SOX8: variants seen among roughly 807,000 people sequenced by gnomAD.
The protein encoded by SOX8 is SRY-box transcription factor 8.
A neutral mutation model predicts 22.9 loss-of-function variants in SOX8; 9 were observed. The observed-to-expected ratio is 0.39, with a 90% CI of 0.24 to 0.69. The LOEUF (loss-of-function observed/expected upper bound fraction) is 0.69. Ranked by LOEUF, SOX8 falls within the 30% of genes least tolerant of loss-of-function variation. The pLI is 0.43. For synonymous variants in SOX8, 416 were observed against 330.6 expected (o/e 1.26, Z -2.80); for missense variants, 734 against 699.4 (o/e 1.05, Z -0.56).
At chr16:983,662 G>A (rs2151521412) in intron 1 of SOX8, 66 bp from the exon 2 acceptor site, 1 of 1,462,320 alleles carries the variant, frequency 6.8e-7, no homozygotes, top group Non-Finnish European at 9.4e-7. Context: ...TTCCCCCTGT[G>A]GTGTGTGCCT....
In SOX8 at chr16:985,132, G is replaced by A. The variant is rs771156831; in HGVS notation, c.1087G>A (p.Gly363Ser). Residue 363 changes from glycine (G) to serine (S), a missense_variant, in exon 3 of 3, where the codon GGC becomes AGC. By Grantham distance (56) the Gly-to-Ser change is moderately conservative. This residue lies in a region of SOX8 where 588 missense variants were observed against 568.2 expected (regional missense o/e 1.03). Transcript: ENST00000293894. ...CTCGCCCGACTACGGTTCCTGCAGCGGCCAGTCCAGCGCCACCCCGGCCGC... is the reference window on the plus strand; with the variant it reads ...CTCGCCCGACTACGGTTCCTGCAGCAGCCAGTCCAGCGCCACCCCGGCCGC... ...RGSPDYGSCSGQSSATPAAPA... is the reference protein window; with the variant it reads ...RGSPDYGSCSSQSSATPAAPA... 60 of 1,600,318 alleles carry A rather than the reference G, an allele frequency of 3.7e-5. No homozygotes were observed. Among genetic ancestry groups the A allele is most frequent in the African/African-American group, 2.1e-4 (16 of 74,604 alleles).
rs201079762 is a variant in SOX8, at chr16:984,651, C to T, written c.656-50C>T. ...CCCTTCCAGCCTGGCCGGCCCCACC[C>T]GCCCCACAGAAGGGGCATTCATCCC... On this transcript the variant is annotated intron_variant, in intron 2 of 2. Transcript: ENST00000293894. 1,750 of 1,261,914 alleles carry T rather than the reference C, an allele frequency of 1.4e-3. 20 individuals are homozygous for T. In the African/African-American group the frequency reaches 0.025, roughly 18 times the overall value. The allele number at this position is 1,261,914 out of a possible 1,614,324, so 78.2% of individuals were successfully genotyped here.
chr16:984,612 C>A (rs543818439), intron 2 of SOX8, 89 bp from the exon 3 acceptor site: 6 of 770,152 alleles, frequency 7.8e-6, no homozygotes, highest in Non-Finnish European at 1.2e-5. Flanking sequence ...TGGCAGTTAG[C>A]GCGGGCGTCC....
In SOX8 at chr16:986,454, C is replaced by T. The variant is rs564464586; in HGVS notation, c.*1068C>T. 3.3e-5 allele frequency: 5 copies of T among 152,386 alleles called. No individual in the cohort carries two copies. Among genetic ancestry groups the T allele is most frequent in the African/African-American group, 9.6e-5 (4 of 41,586 alleles). The allele number at this position is 152,386 out of a possible 1,614,324, so 9.4% of individuals were successfully genotyped here. Reference sequence around the variant, plus strand: ...ACACAGGAATTCCTGGGTCCTTGCCCATGACTGTGCCATGTGGTAGGACAC... The same window carrying T: ...ACACAGGAATTCCTGGGTCCTTGCCTATGACTGTGCCATGTGGTAGGACAC... On this transcript the variant is annotated 3_prime_UTR_variant, in exon 3 of 3. Coordinates refer to ENST00000293894, the MANE Select transcript of SOX8 (RefSeq NM_014587.5).
chr16:984,507 C>T lies in SOX8; in HGVS notation c.656-194C>T, dbSNP rs556559747. Among the ~76,000 whole-genome samples the T allele has an allele frequency of 3.3e-3, 497 of 152,334 alleles. 2 individuals are homozygous for T. The highest frequency in any genetic ancestry group is 0.012 in the African/African-American group (480 of 41,588). On this transcript the variant is annotated intron_variant, in intron 2 of 2. Transcript: ENST00000293894. The stretch of plus-strand genomic sequence containing the variant: ...CCTCGGGTCTTCTCATAGCACAGCG[C>T]TTCATGGAATTTTCTCGGCCGAGGA...
intron 2 of SOX8, among the ~76,000 whole-genome samples, chr16:984,421 C>G (rs11248960): frequency 0.54 from 82,200 of 152,078 alleles, 23,960 homozygotes; most frequent in African/African-American, 0.77. Flanking sequence ...CCCTGTAAAC[C>G]CCAGCTCTGG....
intron 2 of SOX8, 58 bp from the exon 3 acceptor site, chr16:984,643 G>GCCCCCCC: frequency 8.4e-7 from 1 of 1,190,452 alleles, no homozygotes; most frequent in Non-Finnish European, 1.1e-6. Context: ...AGCCTGGCCG[G>GCCCCCCC]CCCCACCCGC....
At position 985,329 on chromosome 16, in the gene SOX8, C is replaced by T. The variant is rs374897868; in HGVS notation, c.1284C>T (p.Ala428=). 8.0e-5 allele frequency: 127 copies of T among 1,596,788 alleles called. 1 individual carries two copies. In the African/African-American group the frequency reaches 1.4e-3, roughly 18 times the overall value. ...PLLNGLALPP[A]HSPTSHWDQP... ...TCAACGGCCTGGCCCTGCCGCCCGC[C>T]CACAGCCCCACCAGTCACTGGGACC... The change falls in exon 3 of 3, where the codon GCC becomes GCT. Residue 428 remains alanine (A), a synonymous_variant. Coordinates refer to ENST00000293894, the MANE Select transcript of SOX8 (RefSeq NM_014587.5).
chr16:984,283 C>T (rs759826062), intron 2 of SOX8, among the ~76,000 whole-genome samples: 5 of 152,260 alleles, frequency 3.3e-5, no homozygotes, highest in Non-Finnish European at 7.3e-5. Context: ...CACTCAGCAG[C>T]CCCAGCTTCA....
At position 986,398 on chromosome 16, in the gene SOX8, C is replaced by T. The variant is rs2073462607; in HGVS notation, c.*1012C>T. 1 of 152,290 alleles carries T rather than the reference C, an allele frequency of 6.6e-6. No individual in the cohort carries two copies. The highest frequency in any genetic ancestry group is 2.1e-4 in the South Asian group (1 of 4,834). The allele number at this position is 152,290 out of a possible 1,614,324, so 9.4% of individuals were successfully genotyped here. The stretch of plus-strand genomic sequence containing the variant: ...TGGGAAGCAGGACTCCGTCCCTGTC[C>T]CCGACTGTGCCACGTGGTAGGACAC... On this transcript the variant is annotated 3_prime_UTR_variant, in exon 3 of 3. Coordinates refer to ENST00000293894, the MANE Select transcript of SOX8 (RefSeq NM_014587.5).
intron 2 of SOX8, 25 bp downstream of exon 2, chr16:983,985 C>T: frequency 6.8e-7 from 1 of 1,470,598 alleles, no homozygotes; most frequent in Non-Finnish European, 9.1e-7. Context: ...CCCCGCATAT[C>T]TGAGGGTCCC....
At position 986,740 on chromosome 16, in the gene SOX8, C is replaced by T. The variant is rs1031616914; in HGVS notation, c.*1354C>T. ...ACAGCCGAGAAGTTGCTTCTTTGTACTTTTTCTACTTTTCCTACTTTTTTG... is the reference window on the plus strand; with the variant it reads ...ACAGCCGAGAAGTTGCTTCTTTGTATTTTTTCTACTTTTCCTACTTTTTTG... On this transcript the variant is annotated 3_prime_UTR_variant, in exon 3 of 3. Coordinates refer to ENST00000293894, the MANE Select transcript of SOX8 (RefSeq NM_014587.5). The T allele has an allele frequency of 2.6e-5, 3 of 115,094 alleles. No individual in the cohort carries two copies. Among genetic ancestry groups the T allele is most frequent in the Non-Finnish European group, 5.1e-5 (3 of 58,376 alleles). 7.1% of individuals were successfully genotyped at this position (115,094 alleles called of 1,614,324 possible). A position where few individuals can be genotyped will look rare whatever the true frequency, so the allele number is the denominator to read the frequency against.
intron 1 of SOX8, 87 bp from the exon 2 acceptor site, chr16:983,641 T>C: frequency 7.7e-7 from 1 of 1,294,028 alleles, no homozygotes; most frequent in Non-Finnish European, 1.1e-6. Flanking sequence ...GGCCCCGGCC[T>C]CTGCTGCCGG....
In SOX8 at chr16:981,937, C is replaced by T; in HGVS notation, c.15C>T (p.Ser5=). The T allele has an allele frequency of 1.4e-6, 2 of 1,397,728 alleles. No individual in the cohort carries two copies. The highest frequency in any genetic ancestry group is 1.4e-5 in the South Asian group (1 of 69,640). The allele number at this position is 1,397,728 out of a possible 1,614,324, so 86.6% of individuals were successfully genotyped here. MLDM[S]EARSQPPCSP... is the part of the protein sequence containing the mutation. The stretch of plus-strand genomic sequence containing the variant: ...GCGCGGCCCCGATGCTGGACATGAG[C>T]GAGGCCCGCTCCCAGCCGCCCTGCA... The change falls in exon 1 of 3, where the codon AGC becomes AGT. Residue 5 remains serine, a synonymous_variant. Transcript: ENST00000293894.
intron 2 of SOX8, among the ~76,000 whole-genome samples, chr16:984,310 G>T (rs558253462): frequency 2.6e-5 from 4 of 152,258 alleles, no homozygotes; most frequent in Non-Finnish European, 4.4e-5. Context: ...GACTGACAGG[G>T]TGGAGTCCTG....
At position 981,920 on chromosome 16, in the gene SOX8, C is replaced by T; in HGVS notation, c.-3C>T. The T allele has an allele frequency of 1.6e-6, 2 of 1,287,402 alleles. No homozygotes were observed. The highest frequency in any genetic ancestry group is 2.0e-6 in the Non-Finnish European group (2 of 1,016,194). The allele number at this position is 1,287,402 out of a possible 1,614,324, so 79.7% of individuals were successfully genotyped here. A position where few individuals can be genotyped will look rare whatever the true frequency, so the allele number is the denominator to read the frequency against. On this transcript the variant is annotated 5_prime_UTR_variant, in exon 1 of 3. Coordinates refer to ENST00000293894, the MANE Select transcript of SOX8 (RefSeq NM_014587.5). Reference sequence around the variant, plus strand: ...TGTGCGCGCCCCTCCGCGCGCGGCCCCGATGCTGGACATGAGCGAGGCCCG... The same window carrying T: ...TGTGCGCGCCCCTCCGCGCGCGGCCTCGATGCTGGACATGAGCGAGGCCCG...
At position 984,799 on chromosome 16, in the gene SOX8, G is replaced by C. The variant is rs752515501; in HGVS notation, c.754G>C (p.Val252Leu). 3.4e-5 allele frequency: 55 copies of C among 1,611,418 alleles called. No individual in the cohort carries two copies. The highest frequency in any genetic ancestry group is 4.4e-5 in the Non-Finnish European group (52 of 1,179,402). The change falls in exon 3 of 3, where the codon GTG (valine) becomes CTG (leucine). Residue 252 changes from valine to leucine, a missense_variant. This residue lies in a region of SOX8 where 588 missense variants were observed against 568.2 expected (regional missense o/e 1.03). Coordinates refer to ENST00000293894, the MANE Select transcript of SOX8 (RefSeq NM_014587.5). ...PELKLEGRRPVDSGRQNIDFS... is the reference protein window; with the variant it reads ...PELKLEGRRPLDSGRQNIDFS... Reference sequence around the variant, plus strand: ...GCTGAAGCTGGAGGGACGCCGGCCGGTGGACAGCGGGCGCCAGAACATCGA... The same window carrying C: ...GCTGAAGCTGGAGGGACGCCGGCCGCTGGACAGCGGGCGCCAGAACATCGA...
chr16:982,061 G>T lies in SOX8; in HGVS notation c.139G>T (p.Val47Phe). The T allele has an allele frequency of 3.9e-6, 5 of 1,296,502 alleles. No individual in the cohort carries two copies. The highest frequency in any genetic ancestry group is 4.8e-6 in the Non-Finnish European group (5 of 1,031,612). The allele number at this position is 1,296,502 out of a possible 1,614,324, so 80.3% of individuals were successfully genotyped here. A position where few individuals can be genotyped will look rare whatever the true frequency, so the allele number is the denominator to read the frequency against. ...AGSEGLGRAGVAVGGARGDPA... is the reference protein window; with the variant it reads ...AGSEGLGRAGFAVGGARGDPA... ...CTCCGAGGGCCTGGGCCGCGCGGGG[G>T]TCGCGGTGGGGGGCGCCCGGGGCGA... is the stretch of plus-strand genomic sequence containing the variant. The change falls in exon 1 of 3, where the codon GTC (valine) becomes TTC (phenylalanine). Residue 47 changes from valine to phenylalanine, a missense_variant. By Grantham distance (50) the Val-to-Phe change is conservative. This residue lies in a region of SOX8 where 139 missense variants were observed against 109.1 expected (regional missense o/e 1.27). Coordinates refer to ENST00000293894, the MANE Select transcript of SOX8 (RefSeq NM_014587.5).
Position 985,412 on chromosome 16 carries a change from C to G in SOX8, c.*26C>G. ...GGGCCCAGCCGCGGGGAGGGACTCG[C>G]AGGCGTCAGGGGGCAGCCTTGTCCC... is the stretch of plus-strand genomic sequence containing the variant. On this transcript the variant is annotated 3_prime_UTR_variant, in exon 3 of 3. Coordinates refer to ENST00000293894, the MANE Select transcript of SOX8 (RefSeq NM_014587.5). The G allele has an allele frequency of 1.3e-6, 2 of 1,488,486 alleles. No homozygotes were observed. The highest frequency in any genetic ancestry group is 1.8e-6 in the Non-Finnish European group (2 of 1,117,034). The allele number at this position is 1,488,486 out of a possible 1,614,324, so 92.2% of individuals were successfully genotyped here. A position where few individuals can be genotyped will look rare whatever the true frequency, so the allele number is the denominator to read the frequency against.
Sources: gnomAD v4.1 joint callset for allele counts (sites outside exome capture counted in the v4.1 genomes callset) on GRCh38, gnomAD v4.1.1 for gene constraint, gnomAD v4.1.1 regional missense constraint, MANE v1.5 for transcripts, NCBI Gene and HGNC (gene_info 2026-07-23, HGNC 2026-07-21) for gene names.